Variants in COG6 observed in about 807,000 individuals in gnomAD.
COG6 encodes the protein component of oligomeric golgi complex 6.
COG6 carries 74 observed loss-of-function variants against 88.8 expected under a neutral mutation model. The ratio of observed to expected loss-of-function variants is 0.83; its 90% CI spans 0.69 to 1.01. COG6 has a LOEUF of 1.01. Ranked by LOEUF, COG6 falls within the 50% of genes least tolerant of loss-of-function variation. The pLI is 0.00. For synonymous variants in COG6, 286 were observed against 278.7 expected, an observed-to-expected ratio of 1.03 and a Z score of -0.26; for missense variants, 800 against 797.9, an observed-to-expected ratio of 1.00 and a Z score of -0.03.
intron 12 of COG6, among the ~76,000 whole-genome samples, 176 bp from the exon 13 acceptor site, chr13:39,699,321 CAAAA>C (rs1877444445): frequency 6.6e-6 from 1 of 151,516 alleles, no homozygotes; most frequent in Admixed American, 6.6e-5. Context: ...TCACCTAACT[CAAAA>C]GAAAAACAAA....
In COG6 at chr13:39,656,320, A is replaced by T. The variant is rs989334694; in HGVS notation, c.153+441A>T. ...GGAGACCAAGAGAGCAGTGGTAGGGATAAGGGTGCATTTCCACGGACAAGT... is the reference window on the plus strand; with the variant it reads ...GGAGACCAAGAGAGCAGTGGTAGGGTTAAGGGTGCATTTCCACGGACAAGT... On this transcript the variant is annotated intron_variant, in intron 1 of 18. Transcript: ENST00000455146. The T allele has an allele frequency of 1.8e-5, 7 of 381,760 alleles. No individual in the cohort carries two copies. The Admixed American group carries it at 2.4e-4, about 13-fold the overall frequency. 23.6% of individuals were successfully genotyped at this position (381,760 alleles called of 1,614,324 possible). A position where few individuals can be genotyped will look rare whatever the true frequency, so the allele number is the denominator to read the frequency against.
At chr13:39,761,240 G>T (rs1056223790) in intron 18 of COG6, among the ~76,000 whole-genome samples, 1 of 151,854 alleles carries the variant, frequency 6.6e-6, no homozygotes, top group African/African-American at 2.4e-5. Context: ...TTATTCCTAA[G>T]AAATTTATAG....
intron 11 of COG6, among the ~76,000 whole-genome samples, 163 bp from the exon 12 acceptor site, chr13:39,694,471 A>G (rs538832354): frequency 3.9e-5 from 6 of 151,902 alleles, no homozygotes; most frequent in South Asian, 2.1e-4. Flanking sequence ...TTGTTACTTT[A>G]CCATCTTCTA....
intron 18 of COG6, among the ~76,000 whole-genome samples, chr13:39,747,190 T>C (rs1880393507): frequency 6.6e-6 from 1 of 152,160 alleles, no homozygotes; most frequent in African/African-American, 2.4e-5. Context: ...TACTGTACCA[T>C]ATAGAACTGA....
chr13:39,662,401 A>G (rs753226271), intron 3 of COG6, among the ~76,000 whole-genome samples: 2 of 152,102 alleles, frequency 1.3e-5, no homozygotes, highest in Non-Finnish European at 2.9e-5. Flanking sequence ...TGCTGGGATT[A>G]CAGACATGAG....
chr13:39,763,044 T>A (rs1429241854), intron 18 of COG6, among the ~76,000 whole-genome samples: 1 of 151,720 alleles, frequency 6.6e-6, no homozygotes, highest in Non-Finnish European at 1.5e-5. Context: ...AGATGATCAC[T>A]TGGCTTTTCT....
chr13:39,755,295 C>G (rs139607498), downstream of COG6, among the ~76,000 whole-genome samples: 557 of 152,222 alleles, frequency 3.7e-3, 4 homozygotes, highest in African/African-American at 0.013. Context: ...GAAAAGAACA[C>G]GCCACATTCA....
At chr13:39,656,085 G>C (rs764312436) in intron 1 of COG6, 35 of 709,514 alleles carry the variant, frequency 4.9e-5, no homozygotes, top group Non-Finnish European at 8.0e-5. Flanking sequence ...AAAAGCGAAG[G>C]GGTTTCCTGG....
At chr13:39,701,551 G>A (rs1442806902) in intron 13 of COG6, among the ~76,000 whole-genome samples, 3 of 151,848 alleles carry the variant, frequency 2.0e-5, no homozygotes, top group African/African-American at 7.2e-5. Context: ...GGCCAGAGAG[G>A]CAGGACAAAA....
intron 4 of COG6, among the ~76,000 whole-genome samples, chr13:39,670,950 A>G (rs1875594921): frequency 6.6e-6 from 1 of 152,106 alleles, no homozygotes; most frequent in Admixed American, 6.5e-5. Context: ...AAAGTATATT[A>G]CAGAAGCGTA....
chr13:39,684,335 G>A (rs1218018364), intron 8 of COG6, among the ~76,000 whole-genome samples: 1 of 130,164 alleles, frequency 7.7e-6, no homozygotes, highest in Non-Finnish European at 1.6e-5. Flanking sequence ...TGCAGGCTCC[G>A]CCCCCTGGGG....
intron 18 of COG6, among the ~76,000 whole-genome samples, chr13:39,733,215 G>C (rs1193182609): frequency 6.7e-6 from 1 of 148,826 alleles, no homozygotes; most frequent in Non-Finnish European, 1.5e-5. Context: ...TTTGGAGACG[G>C]AGTCTTGCTG....
chr13:39,713,530 T>G (rs959475094), intron 13 of COG6, among the ~76,000 whole-genome samples: 2 of 151,940 alleles, frequency 1.3e-5, no homozygotes, highest in Non-Finnish European at 2.9e-5. Context: ...GGTCAAGAGA[T>G]CAAAACCATC....
chr13:39,664,045 A>G (rs1875085375), intron 3 of COG6: 3 of 154,802 alleles, frequency 1.9e-5, no homozygotes, highest in Non-Finnish European at 1.5e-5. Context: ...AAGCAATAAG[A>G]CAGAGAATTT....
chr13:39,708,571 G>A (rs375812348), intron 13 of COG6, among the ~76,000 whole-genome samples: 4 of 152,248 alleles, frequency 2.6e-5, no homozygotes, highest in African/African-American at 9.6e-5. Context: ...TATGAAGGTA[G>A]GGGTCAAGTT....
intron 1 of COG6, 32 bp from the exon 2 acceptor site, chr13:39,659,332 C>G (rs769390337): frequency 6.3e-7 from 1 of 1,598,246 alleles, no homozygotes; most frequent in South Asian, 1.1e-5. Flanking sequence ...AAAATTAGTT[C>G]CAGTAACTGT....
At chr13:39,683,884 G>T (rs1221439621) in intron 8 of COG6, among the ~76,000 whole-genome samples, 1 of 152,108 alleles carries the variant, frequency 6.6e-6, no homozygotes, top group Non-Finnish European at 1.5e-5. Flanking sequence ...TGGCTATAAG[G>T]TGGGTTCTTG....
intron 4 of COG6, among the ~76,000 whole-genome samples, chr13:39,675,037 A>G (rs1875883303): frequency 6.6e-6 from 1 of 152,138 alleles, no homozygotes. Context: ...GTACATATAG[A>G]TCTACCTCAG....
intron 15 of COG6, among the ~76,000 whole-genome samples, chr13:39,722,711 C>A (rs77444035): frequency 0.06 from 9,082 of 151,890 alleles, 373 homozygotes; most frequent in Non-Finnish European, 0.094. Flanking sequence ...TCTCCATTAG[C>A]ATTAGTTGGA....
Sources: gnomAD v4.1 joint callset for allele counts (sites outside exome capture counted in the v4.1 genomes callset) on GRCh38, gnomAD v4.1.1 for gene constraint, MANE v1.5 for transcripts, NCBI Gene and HGNC (gene_info 2026-07-23, HGNC 2026-07-21) for gene names.